Variants in SPATS2L observed in about 807,000 individuals in gnomAD.
SPATS2L encodes SPATS2-like protein.
A neutral mutation model predicts 59.6 loss-of-function variants in SPATS2L; 30 were observed. The ratio of observed to expected loss-of-function variants is 0.50; its 90% CI spans 0.38 to 0.68. SPATS2L has a LOEUF of 0.68. SPATS2L is among the 30% of genes least tolerant of loss of function. The pLI is 0.00. For missense variants in SPATS2L, 615 were observed against 700.0 expected, an observed-to-expected ratio of 0.88 and a Z score of 1.37; for synonymous variants, 252 against 263.5, an observed-to-expected ratio of 0.96 and a Z score of 0.42.
At position 200,419,485 on chromosome 2, in the gene SPATS2L, G is replaced by C; in HGVS notation, c.434G>C (p.Arg145Pro). ...CTTGAGGAACCTTCAAAGGCACTTCGTGGGGTCACAGGTCAGTAATGCTTA... is the reference window on the plus strand; with the variant it reads ...CTTGAGGAACCTTCAAAGGCACTTCCTGGGGTCACAGGTCAGTAATGCTTA... ...SILEEPSKAL[R>P]GVTEGNRLLQ... The change falls in exon 6 of 13, where the codon CGT becomes CCT. Residue 145 changes from arginine to proline, a missense_variant. By Grantham distance (103) the Arg-to-Pro change is moderately radical. Coordinates refer to ENST00000409140, the MANE Select transcript of SPATS2L (RefSeq NM_001100423.2). The C allele has an allele frequency of 1.2e-6, 2 of 1,613,870 alleles. No homozygotes were observed. Among genetic ancestry groups the C allele is most frequent in the Non-Finnish European group, 1.7e-6 (2 of 1,179,834 alleles).
At chr2:200,426,992 C>T (rs1278477020) in intron 6 of SPATS2L, among the ~76,000 whole-genome samples, 2 of 152,114 alleles carry the variant, frequency 1.3e-5, no homozygotes, top group African/African-American at 2.4e-5. Flanking sequence ...AGGTATTTTT[C>T]GGTCACCTGG....
chr2:200,322,379 T>C (rs11679696), intron 1 of SPATS2L, among the ~76,000 whole-genome samples: 8 of 152,230 alleles, frequency 5.3e-5, no homozygotes, highest in Non-Finnish European at 1.0e-4. Context: ...AAATTGATGC[T>C]GTCAAAGGAA....
intron 1 of SPATS2L, among the ~76,000 whole-genome samples, chr2:200,315,891 G>C (rs1237671205): frequency 6.6e-6 from 1 of 151,240 alleles, no homozygotes; most frequent in African/African-American, 2.4e-5. Context: ...CTGGCATGGT[G>C]GTGGGCACCT....
At chr2:200,344,074 T>G (rs1574450115) in intron 2 of SPATS2L, among the ~76,000 whole-genome samples, 1 of 152,012 alleles carries the variant, frequency 6.6e-6, no homozygotes, top group East Asian at 1.9e-4. Flanking sequence ...TAAATAAAAT[T>G]TATTAAAAAA....
chr2:200,334,913 T>C (rs1433205517), intron 2 of SPATS2L, among the ~76,000 whole-genome samples: 1 of 152,230 alleles, frequency 6.6e-6, no homozygotes, highest in Non-Finnish European at 1.5e-5. Flanking sequence ...TTGGTTACTG[T>C]AGCCTTGTAG....
At chr2:200,358,644 A>G (rs1309101302) in intron 2 of SPATS2L, among the ~76,000 whole-genome samples, 1 of 151,810 alleles carries the variant, frequency 6.6e-6, no homozygotes, top group Non-Finnish European at 1.5e-5. Context: ...ATCTTCAAGC[A>G]AATGTAGTAA....
chr2:200,320,522 C>T (rs2079528186), intron 1 of SPATS2L, among the ~76,000 whole-genome samples: 1 of 152,144 alleles, frequency 6.6e-6, no homozygotes, highest in Non-Finnish European at 1.5e-5. Context: ...CACTCCAGCA[C>T]ATCATGATAT....
chr2:200,373,270 C>CAAAAAAAA (rs3856514), intron 2 of SPATS2L: 43 of 105,980 alleles, frequency 4.1e-4, no homozygotes, highest in African/African-American at 5.3e-4. Context: ...ACTGCCTTAA[C>CAAAAAAAA]AAAAAAAAAA....
chr2:200,422,453 C>T (rs1318089938), intron 6 of SPATS2L, among the ~76,000 whole-genome samples: 1 of 149,926 alleles, frequency 6.7e-6, no homozygotes, highest in Non-Finnish European at 1.5e-5. Context: ...GGGAGAATCA[C>T]CTGAGCCCAG....
chr2:200,366,313 C>A (rs2081267138), intron 2 of SPATS2L, among the ~76,000 whole-genome samples: 1 of 152,122 alleles, frequency 6.6e-6, no homozygotes, highest in African/African-American at 2.4e-5. Flanking sequence ...TGTCCTTGAT[C>A]CCAAGGGTTT....
At chr2:200,333,665 A>G (rs2080037592) in intron 2 of SPATS2L, among the ~76,000 whole-genome samples, 1 of 147,914 alleles carries the variant, frequency 6.8e-6, no homozygotes, top group Admixed American at 6.8e-5. Context: ...CCCCCACCCC[A>G]TGATGGGCCC....
intron 8 of SPATS2L, among the ~76,000 whole-genome samples, chr2:200,459,334 G>T (rs1476061103): frequency 1.3e-5 from 2 of 152,248 alleles, no homozygotes; most frequent in East Asian, 3.9e-4. Context: ...GCAGAATTGG[G>T]CCCATCTCCT....
intron 2 of SPATS2L, among the ~76,000 whole-genome samples, chr2:200,334,170 T>G (rs1221949663): frequency 6.6e-6 from 1 of 152,126 alleles, no homozygotes. Flanking sequence ...ACCTGTTGTT[T>G]CCTGACTTTT....
At chr2:200,316,553 ACCATGCAGTTTGCCTTGT>A (rs2079386015) in intron 1 of SPATS2L, among the ~76,000 whole-genome samples, 1 of 152,196 alleles carries the variant, frequency 6.6e-6, no homozygotes, top group Non-Finnish European at 1.5e-5. Context: ...TCGCGGACCA[ACCATGCAGTTTGCCTTGT>A]CCAGGTAGTT....
In SPATS2L at chr2:200,306,937, C is replaced by T. The variant is rs1338483887; in HGVS notation, c.-73+15C>T. On this transcript the variant is annotated intron_variant, in intron 1 of 12. Transcript: ENST00000409140. ...TCGACACAGAGGTAAGCCCAGGACCCCCTCCACGCCGGGCCGGCTGGGGAT... is the reference window on the plus strand; with the variant it reads ...TCGACACAGAGGTAAGCCCAGGACCTCCTCCACGCCGGGCCGGCTGGGGAT... The T allele has an allele frequency of 4.1e-6, 4 of 982,316 alleles. No individual in the cohort carries two copies. Among genetic ancestry groups the T allele is most frequent in the Non-Finnish European group, 4.8e-6 (4 of 828,782 alleles). 60.8% of individuals were successfully genotyped at this position (982,316 alleles called of 1,614,324 possible).
At chr2:200,361,088 CACACACACATCCCTACACAGAT>C (rs2081090030) in intron 2 of SPATS2L, among the ~76,000 whole-genome samples, 1 of 93,114 alleles carries the variant, frequency 1.1e-5, no homozygotes, top group Non-Finnish European at 1.9e-5. Flanking sequence ...CACCCCCCCA[CACACACACATCCCTACACAGAT>C]ACACACACCT....
chr2:200,473,064 C>T lies in SPATS2L; in HGVS notation c.1281+12C>T. The T allele has an allele frequency of 1.3e-6, 2 of 1,599,598 alleles. No homozygotes were observed. The highest frequency in any genetic ancestry group is 1.7e-6 in the Non-Finnish European group (2 of 1,169,932). On this transcript the variant is annotated intron_variant, in intron 12 of 12. Coordinates refer to ENST00000409140, the MANE Select transcript of SPATS2L (RefSeq NM_001100423.2). ...CGGCCAACAAGCAGGTAAGCCGACA[C>T]TGGTGCAGGGTGCCAGAGGAAAAAA...
Position 200,477,515 on chromosome 2 carries a change from T to TA in SPATS2L, c.1282-98dup, listed in dbSNP as rs59073895. The TA allele has an allele frequency of 5.6e-3, 1,683 of 302,092 alleles. 23 individuals are homozygous for TA. The highest frequency in any genetic ancestry group is 0.023 in the African/African-American group (537 of 23,080). The allele number at this position is 302,092 out of a possible 1,614,324, so 18.7% of individuals were successfully genotyped here. A position where few individuals can be genotyped will look rare whatever the true frequency, so the allele number is the denominator to read the frequency against. On this transcript the variant is annotated intron_variant, in intron 12 of 12. Coordinates refer to ENST00000409140, the MANE Select transcript of SPATS2L (RefSeq NM_001100423.2). Reference sequence around the variant, plus strand: ...CATGTTTTCTGATTCTTCTGGTGTATAAAAAAAAAAAAAAAAAAAAAAAGC... The same window carrying TA: ...CATGTTTTCTGATTCTTCTGGTGTATAAAAAAAAAAAAAAAAAAAAAAAAGC...
chr2:200,411,855 G>A (rs953643459), intron 3 of SPATS2L, among the ~76,000 whole-genome samples: 2 of 152,158 alleles, frequency 1.3e-5, no homozygotes, highest in Non-Finnish European at 2.9e-5. Flanking sequence ...CACTTCTGTT[G>A]ACCCTCAAGA....
Sources: gnomAD v4.1 joint callset for allele counts (sites outside exome capture counted in the v4.1 genomes callset) on GRCh38, gnomAD v4.1.1 for gene constraint, MANE v1.5 for transcripts, NCBI Gene and HGNC (gene_info 2026-07-23, HGNC 2026-07-21) for gene names.